Variants in RIMBP2 observed in about 807,000 individuals in gnomAD.
RIMBP2 encodes RIMS-binding protein 2.
Under a neutral mutation model 118.6 loss-of-function variants are expected in RIMBP2, and 48 were observed. The ratio of observed to expected loss-of-function variants is 0.40; its 90% CI spans 0.32 to 0.51. The LOEUF (loss-of-function observed/expected upper bound fraction) is 0.51. Ranked by LOEUF, RIMBP2 falls within the 20% of genes least tolerant of loss-of-function variation. The pLI is 0.41. For synonymous variants in RIMBP2, 762 were observed against 742.9 expected (o/e 1.03, Z -0.42); for missense variants, 1,551 against 1,768.3 (o/e 0.88, Z 2.20).
chr12:130,485,932 G>C (rs375359381), intron 4 of RIMBP2, among the ~76,000 whole-genome samples: 1 of 152,176 alleles, frequency 6.6e-6, no homozygotes, highest in Non-Finnish European at 1.5e-5. Context: ...AGGCGTGAGC[G>C]GGAGAAGCAC....
intron 5 of RIMBP2, among the ~76,000 whole-genome samples, chr12:130,477,211 A>G (rs2081509872): frequency 6.6e-6 from 1 of 152,204 alleles, no homozygotes; most frequent in Admixed American, 6.5e-5. Context: ...GAGATCGTGG[A>G]CGCGGAATAA....
At chr12:130,536,864 C>T (rs1263492590) in intron 2 of RIMBP2, among the ~76,000 whole-genome samples, 3 of 152,074 alleles carry the variant, frequency 2.0e-5, no homozygotes, top group South Asian at 2.1e-4. Flanking sequence ...ACAATGATAC[C>T]GTGAAGCCCC....
intron 1 of RIMBP2, among the ~76,000 whole-genome samples, chr12:130,673,246 G>A (rs753532961): frequency 2.6e-5 from 4 of 152,184 alleles, no homozygotes; most frequent in East Asian, 1.9e-4. Flanking sequence ...CTCAACTCGC[G>A]GGCTGGCTCG....
chr12:130,405,013 T>C (rs904600619), intron 21 of RIMBP2, among the ~76,000 whole-genome samples: 1 of 152,128 alleles, frequency 6.6e-6, no homozygotes, highest in Non-Finnish European at 1.5e-5. Flanking sequence ...TTTGTTCTCA[T>C]AGTTAGGAAA....
chr12:130,697,139 C>T (rs2065612242), intron 1 of RIMBP2, among the ~76,000 whole-genome samples: 1 of 152,178 alleles, frequency 6.6e-6, no homozygotes, highest in Non-Finnish European at 1.5e-5. Flanking sequence ...TGAAGACTGC[C>T]AGACTGGAGG....
chr12:130,603,352 A>C (rs2059977086), intron 2 of RIMBP2, among the ~76,000 whole-genome samples: 1 of 152,204 alleles, frequency 6.6e-6, no homozygotes, highest in African/African-American at 2.4e-5. Flanking sequence ...CTATAACCCT[A>C]CTAACTTCAA....
intron 2 of RIMBP2, among the ~76,000 whole-genome samples, chr12:130,554,191 C>T (rs2056115060): frequency 6.6e-6 from 1 of 152,164 alleles, no homozygotes; most frequent in South Asian, 2.1e-4. Context: ...AATTTCCTGT[C>T]CCATCATCAC....
At chr12:130,432,501 G>A (rs1427604629) in intron 14 of RIMBP2, among the ~76,000 whole-genome samples, 1 of 152,102 alleles carries the variant, frequency 6.6e-6, no homozygotes, top group African/African-American at 2.4e-5. Flanking sequence ...TTCAGAAGTT[G>A]AAACCTTAAC....
At chr12:130,435,322 G>A (rs925340582) in intron 13 of RIMBP2, among the ~76,000 whole-genome samples, 1 of 152,136 alleles carries the variant, frequency 6.6e-6, no homozygotes, top group Non-Finnish European at 1.5e-5. Flanking sequence ...GGGATTACAG[G>A]CATGAGCCAC....
chr12:130,523,890 G>A lies in RIMBP2; in HGVS notation c.-216-5973C>T, dbSNP rs1467477131. Among the ~76,000 whole-genome samples the A allele has an allele frequency of 6.6e-6, 1 of 152,276 alleles. No individual in the cohort carries two copies. The highest frequency in any genetic ancestry group is 2.4e-5 in the African/African-American group (1 of 41,562). On this transcript the variant is annotated intron_variant, in intron 2 of 22. Transcript: ENST00000690449. This position sits in a 1 kb window ranked among gnomAD's most constrained non-coding sequence, Gnocchi z 4.4. ...TGATACAGGTCTGGTCTCAGAGGTG[G>A]GGAAGAGGGTCCACCCAGCACAAAT...
chr12:130,498,878 A>G (rs1172774035), intron 4 of RIMBP2, among the ~76,000 whole-genome samples: 1 of 152,206 alleles, frequency 6.6e-6, no homozygotes, highest in Non-Finnish European at 1.5e-5. Flanking sequence ...CACAGCCATG[A>G]GACATCAACA....
chr12:130,423,108 A>C (rs1279019318), intron 16 of RIMBP2, among the ~76,000 whole-genome samples: 1 of 152,250 alleles, frequency 6.6e-6, no homozygotes, highest in Non-Finnish European at 1.5e-5. Context: ...TCTAGGACTC[A>C]GACGGGTCTC....
At chr12:130,600,078 C>T (rs1233491015) in intron 2 of RIMBP2, among the ~76,000 whole-genome samples, 2 of 152,222 alleles carry the variant, frequency 1.3e-5, no homozygotes, top group Non-Finnish European at 2.9e-5. Flanking sequence ...CCCCACCTTT[C>T]CTGACTGAAC....
intron 1 of RIMBP2, among the ~76,000 whole-genome samples, chr12:130,715,995 A>T (rs1330192925): frequency 6.6e-6 from 1 of 152,032 alleles, no homozygotes; most frequent in African/African-American, 2.4e-5. Flanking sequence ...GACGATCCTG[A>T]ATTCCAAGCA....
intron 1 of RIMBP2, among the ~76,000 whole-genome samples, chr12:130,656,149 G>T (rs146394644): frequency 6.6e-6 from 1 of 152,302 alleles, no homozygotes; most frequent in East Asian, 1.9e-4. Flanking sequence ...CCCCGGGAGG[G>T]CCAGGAGCGA....
chr12:130,492,104 G>A (rs77779462), intron 4 of RIMBP2, among the ~76,000 whole-genome samples: 4,535 of 152,266 alleles, frequency 0.03, 219 homozygotes, highest in African/African-American at 0.1. Flanking sequence ...AGCTAACGGT[G>A]ACACTTTGAA....
chr12:130,610,017 C>T (rs1166362481), intron 2 of RIMBP2, among the ~76,000 whole-genome samples: 1 of 152,234 alleles, frequency 6.6e-6, no homozygotes, highest in Non-Finnish European at 1.5e-5. Flanking sequence ...CCCTCACAGG[C>T]ACCCCAAAAA....
At chr12:130,643,865 A>T (rs1164775567) in intron 1 of RIMBP2, among the ~76,000 whole-genome samples, 1 of 152,166 alleles carries the variant, frequency 6.6e-6, no homozygotes, top group Non-Finnish European at 1.5e-5. Flanking sequence ...ACTGGAGAGC[A>T]AGCAGTGGGG....
intron 1 of RIMBP2, among the ~76,000 whole-genome samples, chr12:130,669,577 G>T (rs1377314278): frequency 2.0e-5 from 3 of 152,160 alleles, no homozygotes; most frequent in African/African-American, 7.2e-5. Flanking sequence ...CCTGTGAGAA[G>T]GTCAAGCTTG....
Sources: gnomAD v4.1 joint callset for allele counts (sites outside exome capture counted in the v4.1 genomes callset) on GRCh38, gnomAD v4.1.1 for gene constraint, Gnocchi (gnomAD v3.1) non-coding constraint, MANE v1.5 for transcripts, NCBI Gene and HGNC (gene_info 2026-07-23, HGNC 2026-07-21) for gene names.